GPBP1: variants seen among roughly 807,000 people sequenced by gnomAD.
GPBP1 encodes the protein GC-rich promoter binding protein 1.
A neutral mutation model predicts 56.5 loss-of-function variants in GPBP1; 13 were observed. That is an observed-to-expected ratio of 0.23 (90% CI 0.15 to 0.37). The LOEUF is 0.37. GPBP1 is among the 10% of genes least tolerant of loss of function. The pLI is 1.00. For missense variants in GPBP1, 477 were observed against 572.3 expected, an observed-to-expected ratio of 0.83 and a Z score of 1.70; for synonymous variants, 204 against 188.9, an observed-to-expected ratio of 1.08 and a Z score of -0.66.
chr5:57,200,419 G>C lies in GPBP1; in HGVS notation c.-57-13655G>C, dbSNP rs949105107. Among the ~76,000 whole-genome samples, 59 of 128,618 alleles carry C rather than the reference G, an allele frequency of 4.6e-4. 1 individual carries two copies. The highest frequency in any genetic ancestry group is 2.8e-4 in the Non-Finnish European group (18 of 64,072). The allele number at this position is 128,618 out of a possible 152,430, so 84.4% of individuals were successfully genotyped here. A position where few individuals can be genotyped will look rare whatever the true frequency, so the allele number is the denominator to read the frequency against. On this transcript the variant is annotated intron_variant, in intron 2 of 11. Transcript: ENST00000506184. ...GTATCATACTGTCTCCCAGCCTGGA[G>C]TGCAGTAGCACGATCTCGGCTCACT...
chr5:57,231,570 T>C (rs1756462817), intron 5 of GPBP1, among the ~76,000 whole-genome samples: 1 of 152,188 alleles, frequency 6.6e-6, no homozygotes, highest in Admixed American at 6.6e-5. Context: ...CACTGCGCAC[T>C]GAGCCACTGT....
At chr5:57,201,754 C>G (rs534185655) in intron 2 of GPBP1, among the ~76,000 whole-genome samples, 1 of 151,964 alleles carries the variant, frequency 6.6e-6, no homozygotes, top group Non-Finnish European at 1.5e-5. Context: ...GTCTTGAAGA[C>G]GGGTTATTTG....
At position 57,178,052 on chromosome 5, in the gene GPBP1, TTGAG is replaced by T. The variant is rs1753873202; in HGVS notation, c.-58+1655_-58+1658del. ...TCAGACCTGTGTGTAGTAATTCTAATTGAGTGTCTACCTTGATTTATAAAATCGG... is the reference window on the plus strand; with the variant it reads ...TCAGACCTGTGTGTAGTAATTCTAATTGTCTACCTTGATTTATAAAATCGG... On this transcript the variant is annotated intron_variant, in intron 2 of 11. Transcript: ENST00000506184. Among the ~76,000 whole-genome samples the T allele has an allele frequency of 3.9e-5, 6 of 152,262 alleles. No homozygotes were observed. In the South Asian group the frequency reaches 1.0e-3, roughly 26 times the overall value.
At chr5:57,226,553 C>CTTTTTTTTTTTTTTTTT (rs34180383) in intron 3 of GPBP1, among the ~76,000 whole-genome samples, 1 of 62,124 alleles carries the variant, frequency 1.6e-5, no homozygotes, top group Non-Finnish European at 2.8e-5. Context: ...AGCATTTTTG[C>CTTTTTTTTTTTTTTTTT]TTTTTTTTTT....
chr5:57,213,963 T>A (rs1265164046), intron 2 of GPBP1, 111 bp from the exon 3 acceptor site: 1 of 564,278 alleles, frequency 1.8e-6, no homozygotes, highest in African/African-American at 1.9e-5. Context: ...TTTCTAGATT[T>A]TCATTATAAA....
rs747209783 is a variant in GPBP1, at chr5:57,246,361, A to G, written c.540A>G (p.Thr180=). 8.1e-6 allele frequency: 13 copies of G among 1,613,732 alleles called. No individual in the cohort carries two copies. The highest frequency in any genetic ancestry group is 1.7e-6 in the Non-Finnish European group (2 of 1,179,766). ...PRMLVIKKGN[T]KDLQLSGFPV... is the part of the protein sequence containing the mutation. ...TGCTGGTCATTAAGAAAGGTAATAC[A>G]AAAGACTTACAGCTATCTGGATTCC... Residue 180 remains threonine, a synonymous_variant, in exon 7 of 12, where the codon ACA becomes ACG. Transcript: ENST00000506184.
chr5:57,210,486 A>G (rs772780594), intron 2 of GPBP1, among the ~76,000 whole-genome samples: 22 of 152,300 alleles, frequency 1.4e-4, no homozygotes, highest in Middle Eastern at 3.4e-3. Context: ...AAGATTTCTA[A>G]TAAGCTGTGG....
chr5:57,216,302 CT>C (rs1446223943), intron 3 of GPBP1, among the ~76,000 whole-genome samples: 1 of 152,166 alleles, frequency 6.6e-6, no homozygotes, highest in Non-Finnish European at 1.5e-5. Context: ...GGGAAGAAAC[CT>C]GTCTTCTTGA....
Position 57,191,065 on chromosome 5 carries a change from T to A in GPBP1, c.-58+14665T>A, listed in dbSNP as rs537932943. On this transcript the variant is annotated intron_variant, in intron 2 of 11. Transcript: ENST00000506184. ...TGCTGGGGTTACAGGTGTGAGCCATTGTGCCTGGCTCCTCTTAGCTGTTTT... is the reference window on the plus strand; with the variant it reads ...TGCTGGGGTTACAGGTGTGAGCCATAGTGCCTGGCTCCTCTTAGCTGTTTT... Among the ~76,000 whole-genome samples the A allele has an allele frequency of 1.9e-4, 29 of 151,696 alleles. No individual in the cohort carries two copies. The South Asian group carries it at 2.5e-3, about 13-fold the overall frequency.
Position 57,190,884 on chromosome 5 carries a change from T to C in GPBP1, c.-58+14484T>C, listed in dbSNP as rs567866198. On this transcript the variant is annotated intron_variant, in intron 2 of 11. Coordinates refer to ENST00000506184, the MANE Select transcript of GPBP1 (RefSeq NM_022913.4). ...ACCATGTCTGGCTAATTTTTGTATT[T>C]TTTGGTAGAGACGGGGTTTTGCCAT... Among the ~76,000 whole-genome samples the C allele has an allele frequency of 1.2e-4, 18 of 151,760 alleles. 1 individual carries two copies. The Middle Eastern group carries it at 0.017, about 143-fold the overall frequency.
intron 10 of GPBP1, among the ~76,000 whole-genome samples, chr5:57,259,171 G>A (rs1022053901): frequency 6.6e-6 from 1 of 152,192 alleles, no homozygotes; most frequent in African/African-American, 2.4e-5. Flanking sequence ...AAGCAACAAG[G>A]TGCTGTGCAA....
At chr5:57,189,478 G>A (rs1000434001) in intron 2 of GPBP1, among the ~76,000 whole-genome samples, 1 of 152,060 alleles carries the variant, frequency 6.6e-6, no homozygotes, top group Non-Finnish European at 1.5e-5. Context: ...GGCAGGTCTC[G>A]AACTCCTGGC....
At chr5:57,212,926 C>T (rs1755552450) in intron 2 of GPBP1, among the ~76,000 whole-genome samples, 2 of 152,064 alleles carry the variant, frequency 1.3e-5, no homozygotes, top group Non-Finnish European at 1.5e-5. Flanking sequence ...ACCTGTCTGC[C>T]TCAGCCCCCT....
chr5:57,180,770 C>A (rs1754009030), intron 2 of GPBP1, among the ~76,000 whole-genome samples: 1 of 152,116 alleles, frequency 6.6e-6, no homozygotes, highest in Non-Finnish European at 1.5e-5. Flanking sequence ...GAGACAGAGT[C>A]TCGCTCTGTC....
chr5:57,237,006 G>T, intron 6 of GPBP1: 1 of 675,142 alleles, frequency 1.5e-6, no homozygotes, highest in Non-Finnish European at 2.6e-6. Flanking sequence ...TTTATTTAAG[G>T]GCTTTTTGAG....
chr5:57,175,004 C>T (rs1006830488), intron 1 of GPBP1, among the ~76,000 whole-genome samples: 3 of 152,180 alleles, frequency 2.0e-5, no homozygotes, highest in African/African-American at 4.8e-5. Flanking sequence ...GAGCCTCTTT[C>T]TCTTTACACT....
At chr5:57,193,186 G>A (rs1247029694) in intron 2 of GPBP1, among the ~76,000 whole-genome samples, 1 of 151,882 alleles carries the variant, frequency 6.6e-6, no homozygotes, top group Non-Finnish European at 1.5e-5. Flanking sequence ...GCATGGTGGT[G>A]GGTGCCTGTA....
rs888019151 is a variant in GPBP1 at position 57,175,941 on chromosome 5, GT to G, written c.-510del. ...AATGAAGAGATTGAAAGAATACAGAGTTTTTTTCCTTTTATCTTTTATTTAC... is the reference window on the plus strand; with the variant it reads ...AATGAAGAGATTGAAAGAATACAGAGTTTTTTCCTTTTATCTTTTATTTAC... On this transcript the variant is annotated 5_prime_UTR_variant, in exon 2 of 12. An upstream open reading frame in the 5' UTR loses its in-frame stop. Transcript: ENST00000506184. The G allele has an allele frequency of 4.0e-5, 16 of 398,468 alleles. 1 individual carries two copies. Among genetic ancestry groups the G allele is most frequent in the Admixed American group, 4.0e-4 (9 of 22,708 alleles). 24.7% of individuals were successfully genotyped at this position (398,468 alleles called of 1,614,324 possible). A position where few individuals can be genotyped will look rare whatever the true frequency, so the allele number is the denominator to read the frequency against.
intron 6 of GPBP1, among the ~76,000 whole-genome samples, chr5:57,239,742 T>C (rs1211390295): frequency 1.3e-5 from 2 of 152,180 alleles, no homozygotes; most frequent in Admixed American, 6.5e-5. Context: ...ATCGCGCCAC[T>C]GCACTCCAGC....
Sources: allele counts gnomAD v4.1 joint callset (sites outside exome capture counted in the v4.1 genomes callset), GRCh38; gene constraint gnomAD v4.1.1; transcripts MANE v1.5; gene names NCBI Gene and HGNC (gene_info 2026-07-23, HGNC 2026-07-21).